LDB2: variants seen among roughly 807,000 people sequenced by gnomAD.
The protein encoded by LDB2 is LIM domain-binding protein 2.
A neutral mutation model predicts 44.3 loss-of-function variants in LDB2; 12 were observed. That is an observed-to-expected ratio of 0.27 (90% CI 0.17 to 0.44). LDB2 has a LOEUF of 0.44. Ranked by LOEUF, LDB2 falls within the 20% of genes least tolerant of loss-of-function variation. The probability of loss-of-function intolerance (pLI) is 1.00; values close to 1 mark genes in which losing one functional copy is unlikely to be tolerated. For missense variants in LDB2, 344 were observed against 473.5 expected (o/e 0.73, Z 2.54); for synonymous variants, 164 against 174.8 (o/e 0.94, Z 0.49).
chr4:16,809,665 C>A (rs955105552), intron 1 of LDB2, among the ~76,000 whole-genome samples: 1 of 151,302 alleles, frequency 6.6e-6, no homozygotes, highest in African/African-American at 2.4e-5. Context: ...GTACCTAAAC[C>A]ATGTTGGTTC....
intron 4 of LDB2, among the ~76,000 whole-genome samples, 171 bp downstream of exon 4, chr4:16,588,539 G>T (rs1225425321): frequency 6.6e-6 from 1 of 152,088 alleles, no homozygotes; most frequent in Non-Finnish European, 1.5e-5. Flanking sequence ...GGGGAGAAAA[G>T]GGCCTGTGGA....
chr4:16,703,804 A>G (rs1159306530), intron 2 of LDB2, among the ~76,000 whole-genome samples: 1 of 152,224 alleles, frequency 6.6e-6, no homozygotes, highest in Non-Finnish European at 1.5e-5. Flanking sequence ...TGTGCAAGTA[A>G]TAATACCACC....
chr4:16,722,573 G>A (rs73241026), intron 2 of LDB2, among the ~76,000 whole-genome samples: 3,659 of 152,130 alleles, frequency 0.024, 59 homozygotes, highest in Non-Finnish European at 0.036. Flanking sequence ...CATCTCTTTT[G>A]TGCCCTAGGC....
intron 2 of LDB2, among the ~76,000 whole-genome samples, chr4:16,652,375 T>G (rs556442734): frequency 6.6e-6 from 1 of 152,338 alleles, no homozygotes; most frequent in South Asian, 2.1e-4. Flanking sequence ...GAAAAGCTAC[T>G]TAAACAGATT....
chr4:16,847,621 G>A (rs200549845), intron 1 of LDB2, among the ~76,000 whole-genome samples: 2 of 148,490 alleles, frequency 1.3e-5, no homozygotes, highest in South Asian at 2.1e-4. Context: ...TTGTTTGTTT[G>A]TTTGTTTGTT....
intron 6 of LDB2, 36 bp from the exon 7 acceptor site, chr4:16,508,722 G>A: frequency 1.3e-6 from 2 of 1,597,100 alleles, no homozygotes; most frequent in Non-Finnish European, 1.7e-6. Context: ...ATCAGTTCTA[G>A]GGCAAAAGCA....
chr4:16,668,842 T>C (rs935838799), intron 2 of LDB2, among the ~76,000 whole-genome samples: 4 of 152,346 alleles, frequency 2.6e-5, no homozygotes, highest in Admixed American at 1.3e-4. Context: ...TTAGTTCATT[T>C]TGACCTCCTC....
chr4:16,593,556 G>T (rs545264645), intron 3 of LDB2, among the ~76,000 whole-genome samples: 30 of 152,018 alleles, frequency 2.0e-4, no homozygotes, highest in Non-Finnish European at 4.0e-4. Flanking sequence ...TGCATAATTA[G>T]CATCTGGACT....
chr4:16,642,262 C>T (rs1038745454), intron 2 of LDB2, among the ~76,000 whole-genome samples: 1 of 152,024 alleles, frequency 6.6e-6, no homozygotes, highest in Non-Finnish European at 1.5e-5. Flanking sequence ...AAGTCTGAAC[C>T]TTCTAGCATG....
At chr4:16,800,622 G>A (rs1465095204) in intron 1 of LDB2, among the ~76,000 whole-genome samples, 1 of 152,248 alleles carries the variant, frequency 6.6e-6, no homozygotes, top group Non-Finnish European at 1.5e-5. Flanking sequence ...GTGATAGGGA[G>A]TCATATAAAA....
chr4:16,770,409 T>A (rs528921853), intron 1 of LDB2, among the ~76,000 whole-genome samples: 34 of 152,340 alleles, frequency 2.2e-4, no homozygotes, highest in African/African-American at 8.2e-4. Flanking sequence ...CACTCTCTGC[T>A]CTATTTACAT....
chr4:16,799,967 T>C (rs1057266988), intron 1 of LDB2, among the ~76,000 whole-genome samples: 9 of 152,212 alleles, frequency 5.9e-5, no homozygotes, highest in African/African-American at 2.2e-4. Flanking sequence ...GTGTAAGTTA[T>C]TTTTTCAATA....
intron 1 of LDB2, among the ~76,000 whole-genome samples, chr4:16,773,607 G>A (rs115849108): frequency 0.018 from 2,690 of 152,262 alleles, 73 homozygotes; most frequent in African/African-American, 0.062. Context: ...TGAGTGATGG[G>A]GGAGCGGCTG....
chr4:16,652,800 C>T (rs1417819983), intron 2 of LDB2, among the ~76,000 whole-genome samples: 3 of 152,116 alleles, frequency 2.0e-5, no homozygotes, highest in Non-Finnish European at 2.9e-5. Flanking sequence ...CAGTCATTCA[C>T]GCAGCTCCCC....
intron 1 of LDB2, among the ~76,000 whole-genome samples, chr4:16,889,987 G>T (rs986420547): frequency 6.6e-6 from 1 of 152,122 alleles, no homozygotes. Context: ...TTGATTACCT[G>T]CAAATAAAGC....
chr4:16,687,858 C>T (rs891822172), intron 2 of LDB2, among the ~76,000 whole-genome samples: 1 of 152,130 alleles, frequency 6.6e-6, no homozygotes, highest in Non-Finnish European at 1.5e-5. Flanking sequence ...CTGAAATTAA[C>T]CTTATTCATC....
chr4:16,656,412 A>C (rs1739877391), intron 2 of LDB2, among the ~76,000 whole-genome samples: 2 of 152,184 alleles, frequency 1.3e-5, no homozygotes, highest in African/African-American at 4.8e-5. Flanking sequence ...AACTCAGTCT[A>C]AGTTGCACTG....
Position 16,709,694 on chromosome 4 carries a change from A to G in LDB2, c.235+49464T>C, listed in dbSNP as rs186602245. 6.3e-3 allele frequency among the ~76,000 whole-genome samples: 967 copies of G among 152,314 alleles called. 9 individuals are homozygous for G. The highest frequency in any genetic ancestry group is 9.0e-3 in the Non-Finnish European group (614 of 68,018). On this transcript the variant is annotated intron_variant, in intron 2 of 7. Coordinates refer to ENST00000304523, the MANE Select transcript of LDB2 (RefSeq NM_001290.5). Reference sequence around the variant, plus strand: ...ACGTAAAACATTTTAAGATAATACCATTTTACATTAAAAGATTTCAACTTC... The same window carrying G: ...ACGTAAAACATTTTAAGATAATACCGTTTTACATTAAAAGATTTCAACTTC...
At chr4:16,548,728 T>C (rs1736637763) in intron 5 of LDB2, among the ~76,000 whole-genome samples, 1 of 152,248 alleles carries the variant, frequency 6.6e-6, no homozygotes. Flanking sequence ...TTCTCCATTT[T>C]AACAATTAGC....
Sources: gnomAD v4.1 joint callset for allele counts (sites outside exome capture counted in the v4.1 genomes callset) on GRCh38, gnomAD v4.1.1 for gene constraint, MANE v1.5 for transcripts, NCBI Gene and HGNC (gene_info 2026-07-23, HGNC 2026-07-21) for gene names.